EEF1AKMT1: variants seen among roughly 807,000 people sequenced by gnomAD.
The protein encoded by EEF1AKMT1 is N-6 adenine-specific DNA methyltransferase 2 (putative).
In EEF1AKMT1, 18 loss-of-function variants were observed where a neutral mutation model predicts 21.0. That is an observed-to-expected ratio of 0.86 (90% CI 0.59 to 1.27). EEF1AKMT1 has a LOEUF of 1.27. Among genes scored for constraint, EEF1AKMT1 ranks in the 50% most tolerant of loss-of-function variants. The pLI, the probability that EEF1AKMT1 is intolerant of heterozygous loss-of-function variation, is 0.00. For synonymous variants in EEF1AKMT1, 109 were observed against 94.8 expected (o/e 1.15, Z -0.87); for missense variants, 246 against 258.6 (o/e 0.95, Z 0.33).
At chr13:20,732,976 T>A (rs564807292) in intron 3 of EEF1AKMT1, among the ~76,000 whole-genome samples, 1 of 152,260 alleles carries the variant, frequency 6.6e-6, no homozygotes, top group South Asian at 2.1e-4. Context: ...AAAGTATCTA[T>A]CTCATTACAG....
chr13:20,766,298 CAAAAA>C (rs35866979), intron 1 of EEF1AKMT1, among the ~76,000 whole-genome samples: 1 of 76,762 alleles, frequency 1.3e-5, no homozygotes, highest in Non-Finnish European at 2.3e-5. Context: ...GACTCCATCT[CAAAAA>C]AAAAAAAAAA....
chr13:20,770,568 CAA>C (rs1399106736), intron 1 of EEF1AKMT1, among the ~76,000 whole-genome samples: 3 of 152,062 alleles, frequency 2.0e-5, no homozygotes, highest in African/African-American at 4.8e-5. Context: ...GTAAAAATTC[CAA>C]AGATTAGCTT....
intron 2 of EEF1AKMT1, among the ~76,000 whole-genome samples, chr13:20,751,074 C>T (rs192162784): frequency 3.6e-4 from 55 of 152,162 alleles, no homozygotes; most frequent in African/African-American, 1.0e-3. Flanking sequence ...ATTCTAGATA[C>T]GAGTCCCTTG....
Position 20,757,545 on chromosome 13 carries a change from T to C in EEF1AKMT1, c.54A>G (p.Ala18=). Residue 18 remains alanine, a synonymous_variant, in exon 2 of 5, where the codon GCA becomes GCG. Transcript: ENST00000382758. ...GCTCAGCATAAAATTCCTGGAGAGC[T>C]GCTAAGGCATGGGCAGAAAGCTGGG... is the stretch of plus-strand genomic sequence containing the variant. ...ETPQLSAHAL[A]ALQEFYAEQK... 1 of 1,614,208 alleles carries C rather than the reference T, an allele frequency of 6.2e-7. No homozygotes were observed. Among genetic ancestry groups the C allele is most frequent in the Non-Finnish European group, 8.5e-7 (1 of 1,180,026 alleles).
chr13:20,761,517 G>A (rs745976926), intron 1 of EEF1AKMT1, among the ~76,000 whole-genome samples: 10 of 152,164 alleles, frequency 6.6e-5, no homozygotes, highest in Non-Finnish European at 1.2e-4. Context: ...TAGAGCTGTT[G>A]TGAACATTCC....
chr13:20,766,178 A>C (rs1348236951), intron 1 of EEF1AKMT1, among the ~76,000 whole-genome samples: 1 of 151,748 alleles, frequency 6.6e-6, no homozygotes, highest in Non-Finnish European at 1.5e-5. Flanking sequence ...CACTGCCTGT[A>C]ATCTCAGCTA....
chr13:20,732,824 G>A (rs2141411090), intron 3 of EEF1AKMT1, among the ~76,000 whole-genome samples: 1 of 152,198 alleles, frequency 6.6e-6, no homozygotes, highest in East Asian at 1.9e-4. Flanking sequence ...AAGTCATTTT[G>A]TAATATTCAT....
At chr13:20,765,611 C>G (rs2059026716) in intron 1 of EEF1AKMT1, among the ~76,000 whole-genome samples, 1 of 151,758 alleles carries the variant, frequency 6.6e-6, no homozygotes, top group South Asian at 2.1e-4. Flanking sequence ...ATGGGATTCA[C>G]CATGTTGGCC....
chr13:20,749,569 T>G (rs1411204726), intron 2 of EEF1AKMT1, among the ~76,000 whole-genome samples: 1 of 152,176 alleles, frequency 6.6e-6, no homozygotes, highest in Non-Finnish European at 1.5e-5. Context: ...AGTAATAGTT[T>G]AGCTGGGTAT....
chr13:20,757,152 G>A (rs2058976124), intron 2 of EEF1AKMT1: 2 of 208,564 alleles, frequency 9.6e-6, no homozygotes, highest in East Asian at 1.1e-4. Flanking sequence ...GAGGGTCCCC[G>A]GCTTGCAAAG....
At chr13:20,756,443 T>A (rs568005652) in intron 2 of EEF1AKMT1, among the ~76,000 whole-genome samples, 24 of 152,244 alleles carry the variant, frequency 1.6e-4, no homozygotes, top group Non-Finnish European at 2.4e-4. Flanking sequence ...TCAATACATG[T>A]TTAAGTTCAG....
chr13:20,761,479 GTTGT>G (rs1358040280), intron 1 of EEF1AKMT1, among the ~76,000 whole-genome samples: 2 of 152,144 alleles, frequency 1.3e-5, no homozygotes, highest in Non-Finnish European at 2.9e-5. Flanking sequence ...AAACATTTGG[GTTGT>G]TTCCAATTTT....
rs764164398 is a variant in EEF1AKMT1, at chr13:20,731,822, T to G, written c.508+19A>C. On this transcript the variant is annotated intron_variant, in intron 4 of 4. Coordinates refer to ENST00000382758, the MANE Select transcript of EEF1AKMT1 (RefSeq NM_001318939.2). ...GCCACTGTCAGTGACTTTGATGAGA[T>G]ATGAAATGCAGCACCTACCTGTGCA... 2 of 1,599,418 alleles carry G rather than the reference T, an allele frequency of 1.3e-6. No homozygotes were observed. Among genetic ancestry groups the G allele is most frequent in the Non-Finnish European group, 8.5e-7 (1 of 1,170,388 alleles).
rs146977198 is a variant in EEF1AKMT1 at position 20,765,579 on chromosome 13, T to C, written c.-19-7962A>G. ...AAGCGCCGGCCACCACACCTGGCTA[T>C]TTTTTGTATCTTTTAGTAGAGATGG... On this transcript the variant is annotated intron_variant, in intron 1 of 4. Coordinates refer to ENST00000382758, the MANE Select transcript of EEF1AKMT1 (RefSeq NM_001318939.2). Among the ~76,000 whole-genome samples, 212 of 151,876 alleles carry C rather than the reference T, an allele frequency of 1.4e-3. 1 individual carries two copies. In the East Asian group the frequency reaches 0.031, roughly 22 times the overall value.
chr13:20,736,499 C>G (rs2058827025), intron 3 of EEF1AKMT1, among the ~76,000 whole-genome samples: 1 of 151,946 alleles, frequency 6.6e-6, no homozygotes, highest in Non-Finnish European at 1.5e-5. Context: ...GAACAAAAGA[C>G]AGGTATAAGG....
At chr13:20,763,964 T>TC (rs34799302) in intron 1 of EEF1AKMT1, among the ~76,000 whole-genome samples, 66,095 of 151,982 alleles carry the variant, frequency 0.43, 15,094 homozygotes, top group Non-Finnish European at 0.5. Flanking sequence ...TGTACTGATA[T>TC]CCCCCATTTC....
intron 2 of EEF1AKMT1, among the ~76,000 whole-genome samples, chr13:20,738,356 CTGAT>C (rs2058838895): frequency 6.6e-6 from 1 of 152,206 alleles, no homozygotes; most frequent in Admixed American, 6.5e-5. Flanking sequence ...CTGCTTCATG[CTGAT>C]TGGTGATTTT....
At chr13:20,759,504 TG>T (rs1566537169) in intron 1 of EEF1AKMT1, among the ~76,000 whole-genome samples, 1 of 150,476 alleles carries the variant, frequency 6.6e-6, no homozygotes, top group Non-Finnish European at 1.5e-5. Context: ...GGCGTGAACC[TG>T]GGAGGCGGAG....
intron 1 of EEF1AKMT1, among the ~76,000 whole-genome samples, chr13:20,772,786 G>C (rs868742062): frequency 5.3e-5 from 8 of 152,264 alleles, no homozygotes; most frequent in South Asian, 4.1e-4. Context: ...GGCTTCTCAG[G>C]GGCTGTGGTT....
Sources: allele counts gnomAD v4.1 joint callset (sites outside exome capture counted in the v4.1 genomes callset), GRCh38; gene constraint gnomAD v4.1.1; transcripts MANE v1.5; gene names NCBI Gene and HGNC (gene_info 2026-07-23, HGNC 2026-07-21).